The following TGFA variants were observed in gnomAD, a reference collection of about 807,000 sequenced individuals.
TGFA encodes transforming growth factor alpha, also known as protransforming growth factor alpha.
In TGFA, 12 loss-of-function variants were observed where a neutral mutation model predicts 21.7. The observed-to-expected ratio is 0.55, with a 90% confidence interval of 0.35 to 0.90. The LOEUF is 0.90. Ranked by LOEUF, TGFA falls within the 40% of genes least tolerant of loss-of-function variation. The pLI is 0.01. For missense variants in TGFA, 178 were observed against 210.8 expected (o/e 0.84, Z 0.96); for synonymous variants, 79 against 88.1 (o/e 0.90, Z 0.58).
intron 2 of TGFA, among the ~76,000 whole-genome samples, chr2:70,493,874 A>G (rs3821262): frequency 0.48 from 72,660 of 152,014 alleles, 17,607 homozygotes; most frequent in East Asian, 0.58. Context: ...TACGCTCTAC[A>G]TTAGTACAAA....
At chr2:70,454,893 C>G (rs1670178363) in intron 4 of TGFA, among the ~76,000 whole-genome samples, 1 of 152,204 alleles carries the variant, frequency 6.6e-6, no homozygotes. Context: ...TCTGGGGAGG[C>G]CTGTGTGGGC....
chr2:70,477,526 A>G (rs1233999479), intron 2 of TGFA, among the ~76,000 whole-genome samples: 2 of 152,240 alleles, frequency 1.3e-5, no homozygotes, highest in Non-Finnish European at 2.9e-5. Context: ...CCCTAAATCC[A>G]AAGTCCTTTT....
chr2:70,522,840 C>T (rs2103879557), intron 1 of TGFA, among the ~76,000 whole-genome samples: 1 of 152,310 alleles, frequency 6.6e-6, no homozygotes, highest in South Asian at 2.1e-4. Context: ...TCAACAAGTG[C>T]TCACTGAGCA....
At chr2:70,458,960 A>G (rs1027547178) in intron 3 of TGFA, among the ~76,000 whole-genome samples, 3 of 152,224 alleles carry the variant, frequency 2.0e-5, no homozygotes, top group South Asian at 4.1e-4. Flanking sequence ...ATTTGTAACC[A>G]GGAGTTGTGG....
chr2:70,553,294 G>A (rs1317912247), intron 1 of TGFA: 1 of 1,531,764 alleles, frequency 6.5e-7, no homozygotes, highest in East Asian at 2.4e-5. Context: ...AAGGGGCGCA[G>A]GCAAGACCCG....
chr2:70,532,068 C>T (rs1427932142), intron 1 of TGFA, among the ~76,000 whole-genome samples: 6 of 152,206 alleles, frequency 3.9e-5, no homozygotes, highest in African/African-American at 1.4e-4. Flanking sequence ...AGAATATCAA[C>T]AGCTATTCAT....
chr2:70,448,550 C>T lies in TGFA; in HGVS notation c.*2309G>A, dbSNP rs1553489046. 3 of 152,192 alleles carry T rather than the reference C, an allele frequency of 2.0e-5. No individual in the cohort carries two copies. The allele number at this position is 152,192 out of a possible 1,614,324, so 9.4% of individuals were successfully genotyped here. A position where few individuals can be genotyped will look rare whatever the true frequency, so the allele number is the denominator to read the frequency against. ...TATTTTTGCAGCTAACCAAAGACTA[C>T]CATTGCCATTAAATGGCAGAGGGAT... On this transcript the variant is annotated 3_prime_UTR_variant, in exon 6 of 6. Coordinates refer to ENST00000295400, the MANE Select transcript of TGFA (RefSeq NM_003236.4).
chr2:70,467,030 C>A (rs536957608), intron 2 of TGFA, among the ~76,000 whole-genome samples: 3 of 151,598 alleles, frequency 2.0e-5, no homozygotes, highest in Non-Finnish European at 4.4e-5. Flanking sequence ...GTTCTCCCCC[C>A]ATACCCTTTT....
intron 3 of TGFA, among the ~76,000 whole-genome samples, chr2:70,464,094 C>T (rs546065076): frequency 6.6e-5 from 10 of 152,330 alleles, no homozygotes; most frequent in African/African-American, 2.2e-4. Context: ...CACAGCTGCA[C>T]CTCAGACAGA....
At chr2:70,517,040 G>T (rs574257774) in intron 1 of TGFA, among the ~76,000 whole-genome samples, 11 of 152,308 alleles carry the variant, frequency 7.2e-5, no homozygotes, top group African/African-American at 2.6e-4. Context: ...ACACTGATGA[G>T]CACCACTGCT....
rs927455188 is a variant in TGFA at position 70,478,996 on chromosome 2, T to C, written c.95-13260A>G. Among the ~76,000 whole-genome samples, 203 of 152,208 alleles carry C rather than the reference T, an allele frequency of 1.3e-3. 4 individuals carry two copies. Among genetic ancestry groups the C allele is most frequent in the Non-Finnish European group, 3.4e-4 (23 of 68,036 alleles). On this transcript the variant is annotated intron_variant, in intron 2 of 5. Coordinates refer to ENST00000295400, the MANE Select transcript of TGFA (RefSeq NM_003236.4). ...AGCATGCTTACTTCCTCCTTCTTTT[T>C]CTTCCCAGTTACCAGTTTTTATTTG...
rs77031220 is a variant in TGFA, at chr2:70,517,333, C to G, written c.41-2421G>C. On this transcript the variant is annotated intron_variant, in intron 1 of 5. Coordinates refer to ENST00000295400, the MANE Select transcript of TGFA (RefSeq NM_003236.4). ...TGCAATCTTGATCCATGCCTAGCATCAGCTGAGGCCCTGTGATGAGCGGCA... is the reference window on the plus strand; with the variant it reads ...TGCAATCTTGATCCATGCCTAGCATGAGCTGAGGCCCTGTGATGAGCGGCA... 2.6e-5 allele frequency among the ~76,000 whole-genome samples: 4 copies of G among 152,328 alleles called. No homozygotes were observed. In the East Asian group the frequency reaches 7.7e-4, roughly 29 times the overall value.
chr2:70,547,973 G>A (rs1403147825), intron 1 of TGFA, among the ~76,000 whole-genome samples: 1 of 151,710 alleles, frequency 6.6e-6, no homozygotes, highest in Non-Finnish European at 1.5e-5. Context: ...TATAGGTCAT[G>A]AAAACACTCT....
chr2:70,469,313 GTAATTAAT>G (rs113121842), intron 2 of TGFA, among the ~76,000 whole-genome samples: 4 of 151,938 alleles, frequency 2.6e-5, no homozygotes, highest in East Asian at 1.9e-4. Context: ...TGCCCTGCAG[GTAATTAAT>G]TAATTAATTA....
At chr2:70,553,355 C>T in intron 1 of TGFA, 1 of 1,471,614 alleles carries the variant, frequency 6.8e-7, no homozygotes, top group Non-Finnish European at 8.9e-7. Context: ...AGTCTACACG[C>T]CAGCGACGCC....
chr2:70,452,690 C>T (rs749888101), intron 5 of TGFA, among the ~76,000 whole-genome samples: 4 of 152,044 alleles, frequency 2.6e-5, no homozygotes, highest in Non-Finnish European at 5.9e-5. Flanking sequence ...GCCTGTAATC[C>T]CAGCACTTTG....
chr2:70,523,625 G>C (rs1333048587), intron 1 of TGFA, among the ~76,000 whole-genome samples: 1 of 152,142 alleles, frequency 6.6e-6, no homozygotes, highest in African/African-American at 2.4e-5. Context: ...GGCAGGCAGA[G>C]CTCCCTGCCT....
chr2:70,501,932 G>A (rs954724813), intron 2 of TGFA, among the ~76,000 whole-genome samples: 12 of 152,210 alleles, frequency 7.9e-5, no homozygotes, highest in Non-Finnish European at 1.3e-4. Context: ...TGGAGCAAGC[G>A]AGCAAGTGAG....
At chr2:70,484,468 T>C (rs1481890390) in intron 2 of TGFA, among the ~76,000 whole-genome samples, 1 of 152,224 alleles carries the variant, frequency 6.6e-6, no homozygotes, top group African/African-American at 2.4e-5. Flanking sequence ...CATGTCATTA[T>C]TGAGCCTATT....
Sources: gnomAD v4.1 joint callset for allele counts (sites outside exome capture counted in the v4.1 genomes callset) on GRCh38, gnomAD v4.1.1 for gene constraint, MANE v1.5 for transcripts, NCBI Gene and HGNC (gene_info 2026-07-23, HGNC 2026-07-21) for gene names.